Variants in BACE2 observed in about 807,000 individuals in gnomAD.
BACE2 encodes the protein beta-secretase 2.
BACE2 carries 17 observed loss-of-function variants against 46.2 expected under a neutral mutation model. The observed-to-expected ratio is 0.37, with a 90% confidence interval of 0.25 to 0.55. BACE2 has a LOEUF of 0.55. Among genes scored for constraint, BACE2 ranks in the 20% least tolerant of loss-of-function variants. The pLI is 0.82. For synonymous variants in BACE2, 277 were observed against 295.9 expected, an observed-to-expected ratio of 0.94 and a Z score of 0.66; for missense variants, 595 against 698.1, an observed-to-expected ratio of 0.85 and a Z score of 1.66.
chr21:41,229,150 A>G (rs1244801479), intron 2 of BACE2, among the ~76,000 whole-genome samples: 1 of 152,184 alleles, frequency 6.6e-6, no homozygotes, highest in African/African-American at 2.4e-5. Flanking sequence ...GCTTATCTGA[A>G]TAGTCCCTGA....
intron 1 of BACE2, chr21:41,184,885 T>C (rs901209705): frequency 6.0e-6 from 1 of 167,026 alleles, no homozygotes; most frequent in African/African-American, 2.4e-5. Context: ...TTTCCTTCTC[T>C]TTTACAAAAT....
chr21:41,210,444 C>G (rs1021863142), intron 1 of BACE2, among the ~76,000 whole-genome samples: 11 of 152,130 alleles, frequency 7.2e-5, no homozygotes, highest in Admixed American at 4.6e-4. Context: ...CAGGTCACGC[C>G]AGGCAAGGGT....
At chr21:41,257,428 T>C in intron 8 of BACE2, 102 bp downstream of exon 8, 1 of 1,306,866 alleles carries the variant, frequency 7.7e-7, no homozygotes, top group South Asian at 1.4e-5. Context: ...TACCATTGAA[T>C]TGTTTCACTC....
At chr21:41,188,432 C>T (rs2123508858) in intron 1 of BACE2, among the ~76,000 whole-genome samples, 1 of 152,260 alleles carries the variant, frequency 6.6e-6, no homozygotes, top group East Asian at 1.9e-4. Context: ...TCCAAGGAAG[C>T]TGAGAGGCCG....
intron 2 of BACE2, among the ~76,000 whole-genome samples, chr21:41,235,163 A>G (rs1231884544): frequency 2.0e-5 from 3 of 152,182 alleles, no homozygotes; most frequent in African/African-American, 7.2e-5. Context: ...CCCACCTCCA[A>G]TCCTGCCACC....
Position 41,168,404 on chromosome 21 carries a change from G to A in BACE2, c.141G>A (p.Pro47=). The A allele has an allele frequency of 2.1e-6, 3 of 1,410,598 alleles. No homozygotes were observed. Among genetic ancestry groups the A allele is most frequent in the Non-Finnish European group, 2.8e-6 (3 of 1,079,424 alleles). 87.4% of individuals were successfully genotyped at this position (1,410,598 alleles called of 1,614,324 possible). The part of the protein sequence containing the change: ...AATNRVVAPT[P]GPGTPAERHA... ...CGAACCGCGTAGTTGCGCCCACCCC[G>A]GGACCCGGGACCCCTGCCGAGCGCC... is the stretch of plus-strand genomic sequence containing the variant. Residue 47 remains proline, a synonymous_variant, in exon 1 of 9, where the codon CCG becomes CCA. Coordinates refer to ENST00000330333, the MANE Select transcript of BACE2 (RefSeq NM_012105.5).
chr21:41,216,631 G>A (rs1297987795), intron 1 of BACE2, among the ~76,000 whole-genome samples: 1 of 152,256 alleles, frequency 6.6e-6, no homozygotes, highest in Non-Finnish European at 1.5e-5. Context: ...GCAATGCAGA[G>A]GCTGCGGTGG....
At chr21:41,238,876 CG>C (rs1987207433) in intron 3 of BACE2, among the ~76,000 whole-genome samples, 1 of 146,250 alleles carries the variant, frequency 6.8e-6, no homozygotes, top group South Asian at 2.2e-4. Flanking sequence ...GTGGGCGCAG[CG>C]CACCAGCATG....
chr21:41,237,455 TAAATAAAAATA>T (rs1310341194), intron 2 of BACE2, 47 bp from the exon 3 acceptor site: 37 of 1,253,790 alleles, frequency 3.0e-5, no homozygotes, highest in Non-Finnish European at 4.3e-6. Flanking sequence ...CAAAAATAAA[TAAATAAAAATA>T]AAATAAAATA....
At position 41,280,870 on chromosome 21, in the gene BACE2, T is replaced by C. The variant is rs532818457; in HGVS notation, c.*5246T>C. 1 of 152,390 alleles carries C rather than the reference T, an allele frequency of 6.6e-6. No individual in the cohort carries two copies. The highest frequency in any genetic ancestry group is 1.5e-5 in the Non-Finnish European group (1 of 68,044). 9.4% of individuals were successfully genotyped at this position (152,390 alleles called of 1,614,324 possible). ...TCTAAACTAAATTGTACTGTGTAAC[T>C]TTTACATCACACTTGTGTGCTTAAA... On this transcript the variant is annotated 3_prime_UTR_variant, in exon 9 of 9. Coordinates refer to ENST00000330333, the MANE Select transcript of BACE2 (RefSeq NM_012105.5).
intron 2 of BACE2, among the ~76,000 whole-genome samples, chr21:41,232,214 A>T (rs1345366744): frequency 6.6e-6 from 1 of 152,054 alleles, no homozygotes; most frequent in Non-Finnish European, 1.5e-5. Context: ...TCGTCACAGG[A>T]GGTTCTGTTG....
intron 4 of BACE2, among the ~76,000 whole-genome samples, chr21:41,242,234 C>G (rs923508357): frequency 6.9e-6 from 1 of 144,614 alleles, no homozygotes; most frequent in African/African-American, 2.6e-5. Context: ...GGGGGAGGGA[C>G]AAGTGAGGAG....
rs58968308 is a variant in BACE2 at position 41,189,194 on chromosome 21, TA to T, written c.312+20633del. On this transcript the variant is annotated intron_variant, in intron 1 of 8. Coordinates refer to ENST00000330333, the MANE Select transcript of BACE2 (RefSeq NM_012105.5). ...GTTGATGTGTCTTAGTCTGGATCTT[TA>T]AAAAAAAAAAAAATGCTGGGCACTT... Among the ~76,000 whole-genome samples, 499 of 145,234 alleles carry T rather than the reference TA, an allele frequency of 3.4e-3. 1 individual carries two copies. Among genetic ancestry groups the T allele is most frequent in the East Asian group, 0.013 (63 of 5,016 alleles).
intron 1 of BACE2, among the ~76,000 whole-genome samples, chr21:41,202,023 T>G (rs1985982134): frequency 1.3e-5 from 2 of 152,242 alleles, no homozygotes; most frequent in African/African-American, 4.8e-5. Flanking sequence ...GCAAATCCCA[T>G]CTTTGTCTGA....
intron 2 of BACE2, among the ~76,000 whole-genome samples, chr21:41,229,090 A>G (rs559390512): frequency 6.6e-6 from 1 of 152,298 alleles, no homozygotes; most frequent in African/African-American, 2.4e-5. Context: ...ACACACCCCC[A>G]AAGTTTCCAA....
chr21:41,222,400 GA>G (rs1986685542), intron 1 of BACE2, among the ~76,000 whole-genome samples: 1 of 152,218 alleles, frequency 6.6e-6, no homozygotes, highest in Admixed American at 6.5e-5. Context: ...GCCTGGAAGG[GA>G]GCGATGGGCC....
intron 1 of BACE2, chr21:41,183,711 C>A (rs1601246463): frequency 1.2e-5 from 2 of 167,086 alleles, no homozygotes; most frequent in Non-Finnish European, 2.9e-5. Flanking sequence ...GGAAAGCTGT[C>A]CTCTGGGACA....
At chr21:41,188,172 T>C (rs1041796674) in intron 1 of BACE2, among the ~76,000 whole-genome samples, 3 of 152,180 alleles carry the variant, frequency 2.0e-5, no homozygotes, top group Non-Finnish European at 1.5e-5. Context: ...TGCAGGCACC[T>C]GTGGGCCGTG....
At position 41,248,669 on chromosome 21, in the gene BACE2, C is replaced by T. The variant is rs374008703; in HGVS notation, c.985-2083C>T. 1.1e-4 allele frequency among the ~76,000 whole-genome samples: 16 copies of T among 152,364 alleles called. No individual in the cohort carries two copies. The South Asian group carries it at 1.4e-3, about 14-fold the overall frequency. ...AATCACAAATGGTCTGAGTGGAGAA[C>T]ATGGGATGGATGAACCAACCACAGG... On this transcript the variant is annotated intron_variant, in intron 6 of 8. Coordinates refer to ENST00000330333, the MANE Select transcript of BACE2 (RefSeq NM_012105.5).
Sources: gnomAD v4.1 joint callset for allele counts (sites outside exome capture counted in the v4.1 genomes callset) on GRCh38, gnomAD v4.1.1 for gene constraint, MANE v1.5 for transcripts, NCBI Gene and HGNC (gene_info 2026-07-23, HGNC 2026-07-21) for gene names.